GOLGA8B: variants seen among roughly 807,000 people sequenced by gnomAD.
GOLGA8B encodes the protein golgin A8 family member B.
A neutral mutation model predicts 15.6 loss-of-function variants in GOLGA8B; 1 was observed. The ratio of observed to expected loss-of-function variants is 0.06; its 90% CI spans 0.02 to 0.30. The LOEUF (loss-of-function observed/expected upper bound fraction) is 0.30, where lower values mean the gene tolerates loss of function less well. GOLGA8B is among the 10% of genes least tolerant of loss of function. The pLI is 1.00. For missense variants in GOLGA8B, 17 were observed against 201.3 expected (o/e 0.08, Z 5.54); for synonymous variants, 9 against 80.3 (o/e 0.11, Z 4.75).
At chr15:34,581,380 C>G (rs1298607060) in intron 1 of GOLGA8B, 1 of 152,306 alleles carries the variant, frequency 6.6e-6, no homozygotes, top group Non-Finnish European at 1.5e-5. Flanking sequence ...TTTCCTCTGA[C>G]TTCCTCAGTT....
intron 1 of GOLGA8B, among the ~76,000 whole-genome samples, chr15:34,580,445 A>G (rs1889198128): frequency 6.6e-6 from 1 of 151,832 alleles, no homozygotes; most frequent in African/African-American, 2.4e-5. Flanking sequence ...CGGCACAGAA[A>G]TCATAAAGCA....
rs36006600 is a variant in GOLGA8B at position 34,525,927 on chromosome 15, A to G, written c.*1705T>C. On this transcript the variant is annotated 3_prime_UTR_variant, in exon 24 of 24. Coordinates refer to ENST00000683415, the MANE Select transcript of GOLGA8B (RefSeq NM_001023567.5). ...TCCCCACCCCAGGGAGCACACATACATATCTCCCTACAACCTAATAATGTG... is the reference window on the plus strand; with the variant it reads ...TCCCCACCCCAGGGAGCACACATACGTATCTCCCTACAACCTAATAATGTG... 40,008 of 148,242 alleles carry G rather than the reference A, an allele frequency of 0.27. 7,437 individuals are homozygous for G. Among genetic ancestry groups the G allele is most frequent in the Non-Finnish European group, 0.3 (19,764 of 66,638 alleles). The allele number at this position is 148,242 out of a possible 1,614,324, so 9.2% of individuals were successfully genotyped here.
chr15:34,574,931 G>A (rs1361756509), intron 1 of GOLGA8B: 2 of 152,054 alleles, frequency 1.3e-5, no homozygotes, highest in African/African-American at 4.8e-5. Flanking sequence ...GGGGAAGAGG[G>A]CCCAAGCTGC....
At chr15:34,569,480 C>A (rs1276754414) in intron 1 of GOLGA8B, among the ~76,000 whole-genome samples, 1 of 151,442 alleles carries the variant, frequency 6.6e-6, no homozygotes, top group Non-Finnish European at 1.5e-5. Context: ...CATGGGGCCA[C>A]ATCACGCCAC....
At chr15:34,557,722 T>C (rs1240177208) in intron 1 of GOLGA8B, among the ~76,000 whole-genome samples, 1 of 93,118 alleles carries the variant, frequency 1.1e-5, no homozygotes, top group Non-Finnish European at 2.3e-5. Flanking sequence ...GGAAATCATA[T>C]TGACTCCTGG....
intron 1 of GOLGA8B, among the ~76,000 whole-genome samples, chr15:34,572,435 T>C (rs566175074): frequency 1.3e-5 from 2 of 152,368 alleles, no homozygotes; most frequent in East Asian, 3.9e-4. Flanking sequence ...AACAGTCACA[T>C]ATTATGCAAG....
rs1888069732 is a variant in GOLGA8B at position 34,526,952 on chromosome 15, T to C, written c.*680A>G. The C allele has an allele frequency of 6.4e-6, 1 of 155,512 alleles. No individual in the cohort carries two copies. The highest frequency in any genetic ancestry group is 2.5e-5 in the African/African-American group (1 of 40,218). The allele number at this position is 155,512 out of a possible 1,614,324, so 9.6% of individuals were successfully genotyped here. On this transcript the variant is annotated 3_prime_UTR_variant, in exon 24 of 24. Coordinates refer to ENST00000683415, the MANE Select transcript of GOLGA8B (RefSeq NM_001023567.5). Reference sequence around the variant, plus strand: ...TGGCACCGGAACAGATGAAACACACTGTATCCTGCACATACCTGCCAGAGC... The same window carrying C: ...TGGCACCGGAACAGATGAAACACACCGTATCCTGCACATACCTGCCAGAGC...
At chr15:34,575,086 A>T (rs2140354320) in intron 1 of GOLGA8B, among the ~76,000 whole-genome samples, 1 of 147,474 alleles carries the variant, frequency 6.8e-6, no homozygotes, top group South Asian at 2.2e-4. Context: ...AATTTAATCT[A>T]GAAATCCTAT....
intron 7 of GOLGA8B, among the ~76,000 whole-genome samples, chr15:34,542,509 G>GT (rs1377427243): frequency 6.9e-6 from 1 of 144,864 alleles, no homozygotes; most frequent in African/African-American, 2.6e-5. Context: ...GGTAAGCAGG[G>GT]TATGTTGAAA....
rs1342436851 is a variant in GOLGA8B, at chr15:34,580,409, C to T, written c.-1123+3107G>A. On this transcript the variant is annotated intron_variant, in intron 1 of 23. Transcript: ENST00000683415. ...ACCATTGGGCCTGGGCCAACTTGCA[C>T]AGCCCAACCTGGGAAACCTCACAGC... Among the ~76,000 whole-genome samples, 56 of 152,228 alleles carry T rather than the reference C, an allele frequency of 3.7e-4. 1 individual carries two copies. The highest frequency in any genetic ancestry group is 8.8e-5 in the Non-Finnish European group (6 of 68,044).
chr15:34,565,135 C>CTTT lies in GOLGA8B; in HGVS notation c.-1122-11182_-1122-11180dup, dbSNP rs71119971. ...AGGTCAGCCTCTTAGATCCAGTTCTCTTTTTTTTTTTTTTTTTGAGACGGA... is the reference window on the plus strand; with the variant it reads ...AGGTCAGCCTCTTAGATCCAGTTCTCTTTTTTTTTTTTTTTTTTTTGAGACGGA... On this transcript the variant is annotated intron_variant, in intron 1 of 23. Transcript: ENST00000683415. Among the ~76,000 whole-genome samples the CTTT allele has an allele frequency of 1.0e-4, 11 of 106,944 alleles. 4 individuals carry two copies. The highest frequency in any genetic ancestry group is 6.6e-5 in the Non-Finnish European group (3 of 45,312). 70.2% of individuals were successfully genotyped at this position (106,944 alleles called of 152,430 possible).
At chr15:34,580,145 C>T (rs57365569) in intron 1 of GOLGA8B, among the ~76,000 whole-genome samples, 17,223 of 151,910 alleles carry the variant, frequency 0.11, 1,099 homozygotes, top group East Asian at 0.26. Context: ...AGGGATAAGA[C>T]GAAAGAGCCT....
rs1888955289 is a variant in GOLGA8B, at chr15:34,572,743, C to A, written c.-1123+10773G>T. 2.6e-5 allele frequency among the ~76,000 whole-genome samples: 4 copies of A among 152,252 alleles called. No homozygotes were observed. In the South Asian group the frequency reaches 8.3e-4, roughly 32 times the overall value. On this transcript the variant is annotated intron_variant, in intron 1 of 23. Coordinates refer to ENST00000683415, the MANE Select transcript of GOLGA8B (RefSeq NM_001023567.5). ...CTACATGATGCATTTCTGTAAAGTT[C>A]TAATCTTTATAATTAGTACATCTGA...
rs34404542 is a variant in GOLGA8B at position 34,525,931 on chromosome 15, C to G, written c.*1701G>C. ...CACCCCAGGGAGCACACATACATAT[C>G]TCCCTACAACCTAATAATGTGATGT... is the stretch of plus-strand genomic sequence containing the variant. On this transcript the variant is annotated 3_prime_UTR_variant, in exon 24 of 24. Transcript: ENST00000683415. 40,063 of 148,288 alleles carry G rather than the reference C, an allele frequency of 0.27. 7,462 individuals are homozygous for G. The highest frequency in any genetic ancestry group is 0.3 in the Non-Finnish European group (19,780 of 66,656). The allele number at this position is 148,288 out of a possible 1,614,324, so 9.2% of individuals were successfully genotyped here. A position where few individuals can be genotyped will look rare whatever the true frequency, so the allele number is the denominator to read the frequency against.
intron 1 of GOLGA8B, among the ~76,000 whole-genome samples, chr15:34,573,618 G>A (rs1040044523): frequency 2.6e-5 from 4 of 151,160 alleles, no homozygotes; most frequent in Admixed American, 6.6e-5. Flanking sequence ...AATCGAGTCC[G>A]TTTTTCTGAA....
intron 1 of GOLGA8B, among the ~76,000 whole-genome samples, chr15:34,571,819 T>C (rs1888921900): frequency 6.6e-6 from 1 of 152,088 alleles, no homozygotes; most frequent in African/African-American, 2.4e-5. Flanking sequence ...TTGATAGTTT[T>C]AACAATGTAA....
At chr15:34,579,756 C>T (rs532970042) in intron 1 of GOLGA8B, among the ~76,000 whole-genome samples, 2 of 152,316 alleles carry the variant, frequency 1.3e-5, no homozygotes, top group African/African-American at 4.8e-5. Flanking sequence ...AGGACATGTG[C>T]TGCAAGGAGA....
intron 1 of GOLGA8B, among the ~76,000 whole-genome samples, chr15:34,568,781 C>A (rs1245159229): frequency 1.2e-3 from 103 of 86,882 alleles, no homozygotes; most frequent in African/African-American, 5.9e-3. Context: ...AGTATATTGA[C>A]TCATAAAAAT....
At chr15:34,571,255 A>G (rs1450485109) in intron 1 of GOLGA8B, among the ~76,000 whole-genome samples, 2 of 152,148 alleles carry the variant, frequency 1.3e-5, no homozygotes, top group South Asian at 2.1e-4. Flanking sequence ...CAAGGCTGCA[A>G]TGAGCCGTGT....
Sources: allele counts gnomAD v4.1 joint callset (sites outside exome capture counted in the v4.1 genomes callset), GRCh38; gene constraint gnomAD v4.1.1; transcripts MANE v1.5; gene names NCBI Gene and HGNC (gene_info 2026-07-23, HGNC 2026-07-21).